COL23A1: variants seen among roughly 807,000 people sequenced by gnomAD.
COL23A1 encodes collagen type XXIII alpha 1 chain, also known as collagen alpha-1(XXIII) chain.
A neutral mutation model predicts 99.3 loss-of-function variants in COL23A1; 97 were observed. The observed-to-expected ratio is 0.98, with a 90% CI of 0.83 to 1.16. COL23A1 has a LOEUF of 1.16. Ranked by LOEUF, COL23A1 falls within the 50% of genes most tolerant of loss-of-function variation. COL23A1 has a pLI of 0.00. For synonymous variants in COL23A1, 320 were observed against 308.2 expected, an observed-to-expected ratio of 1.04 and a Z score of -0.40; for missense variants, 762 against 757.4, an observed-to-expected ratio of 1.01 and a Z score of -0.07.
At chr5:178,537,469 G>A (rs1761038453) in intron 2 of COL23A1, among the ~76,000 whole-genome samples, 1 of 152,232 alleles carries the variant, frequency 6.6e-6, no homozygotes, top group Non-Finnish European at 1.5e-5. Context: ...CCGAGGAGAG[G>A]AGAACAGTGT....
chr5:178,588,479 C>G (rs1045885086), intron 1 of COL23A1, among the ~76,000 whole-genome samples: 1 of 152,216 alleles, frequency 6.6e-6, no homozygotes. Flanking sequence ...TTTACTGGCC[C>G]TCTATAAATC....
At chr5:178,472,838 A>G (rs1308920192) in intron 2 of COL23A1, among the ~76,000 whole-genome samples, 1 of 152,226 alleles carries the variant, frequency 6.6e-6, no homozygotes, top group African/African-American at 2.4e-5. Context: ...TTTAAAAAAT[A>G]CACAGGCAGG....
chr5:178,481,383 T>A (rs1341207425), intron 2 of COL23A1, among the ~76,000 whole-genome samples: 1 of 152,026 alleles, frequency 6.6e-6, no homozygotes, highest in East Asian at 1.9e-4. Context: ...CTGAACATCA[T>A]CAAAATTAAA....
chr5:178,268,183 C>G (rs1363893144), intron 7 of COL23A1, among the ~76,000 whole-genome samples: 2 of 152,220 alleles, frequency 1.3e-5, no homozygotes, highest in African/African-American at 4.8e-5. Flanking sequence ...CCGGCTGGCC[C>G]TGGCACACCT....
intron 1 of COL23A1, among the ~76,000 whole-genome samples, chr5:178,575,187 AG>A (rs58117251): frequency 0.27 from 40,421 of 152,056 alleles, 5,482 homozygotes; most frequent in East Asian, 0.3. Flanking sequence ...GTCCTCCTTT[AG>A]GAAACAGGAA....
chr5:178,267,715 CA>C (rs1755985382), intron 7 of COL23A1, among the ~76,000 whole-genome samples: 1 of 152,182 alleles, frequency 6.6e-6, no homozygotes, highest in Non-Finnish European at 1.5e-5. Context: ...CATTAAGCAG[CA>C]ATAGACACCA....
chr5:178,461,795 G>GT (rs1240636863), intron 2 of COL23A1, among the ~76,000 whole-genome samples: 6 of 152,226 alleles, frequency 3.9e-5, no homozygotes, highest in African/African-American at 1.4e-4. Flanking sequence ...CACTGGTAGG[G>GT]TTTTTTATCC....
rs1228545006 is a variant in COL23A1, at chr5:178,310,039, G to A, written c.362-3120C>T. On this transcript the variant is annotated intron_variant, in intron 2 of 28. Transcript: ENST00000390654. This position sits in a 1 kb window ranked among gnomAD's most constrained non-coding sequence, Gnocchi z 4.3. ...CCTGAAAAGACTGCAAGTCCAGCAA[G>A]CTCCAGGGCTTAGGAGAGACACAGG... 1.3e-5 allele frequency among the ~76,000 whole-genome samples: 2 copies of A among 152,232 alleles called. No homozygotes were observed. The highest frequency in any genetic ancestry group is 6.5e-5 in the Admixed American group (1 of 15,290).
intron 2 of COL23A1, among the ~76,000 whole-genome samples, chr5:178,545,230 G>A: frequency 6.6e-6 from 1 of 152,176 alleles, no homozygotes; most frequent in Non-Finnish European, 1.5e-5. Flanking sequence ...CTGTTCCCTG[G>A]GCTATGCCCT....
intron 2 of COL23A1, among the ~76,000 whole-genome samples, chr5:178,380,846 G>A (rs1331122351): frequency 6.6e-6 from 1 of 152,210 alleles, no homozygotes; most frequent in Non-Finnish European, 1.5e-5. Flanking sequence ...TGCCAGGACA[G>A]CCTTCCAGGG....
rs73342847 is a variant in COL23A1 at position 178,280,594 on chromosome 5, T to C, written c.441+7730A>G. ...CTTCGAAGACCTGGGCTTGGCTCGG[T>C]GACTTTGTGCAGGTCTGTGAACATG... On this transcript the variant is annotated intron_variant, in intron 5 of 28. Coordinates refer to ENST00000390654, the MANE Select transcript of COL23A1 (RefSeq NM_173465.4). This position sits in a 1 kb window ranked among gnomAD's most constrained non-coding sequence, Gnocchi z 4.9. Among the ~76,000 whole-genome samples the C allele has an allele frequency of 0.021, 3,255 of 152,172 alleles. 101 individuals are homozygous for C. The highest frequency in any genetic ancestry group is 0.075 in the African/African-American group (3,120 of 41,466).
At chr5:178,554,324 G>A (rs1050084527) in intron 2 of COL23A1, among the ~76,000 whole-genome samples, 3 of 152,116 alleles carry the variant, frequency 2.0e-5, no homozygotes, top group East Asian at 1.9e-4. Flanking sequence ...GATTACAGGC[G>A]TGTGCCACTA....
At chr5:178,269,474 C>T (rs13184810) in intron 6 of COL23A1, among the ~76,000 whole-genome samples, 950 of 70,168 alleles carry the variant, frequency 0.014, 2 homozygotes, top group East Asian at 0.041. Flanking sequence ...CACCCATCCA[C>T]CCACCCATCC....
chr5:178,327,602 G>A (rs1759762323), intron 2 of COL23A1, among the ~76,000 whole-genome samples: 1 of 152,180 alleles, frequency 6.6e-6, no homozygotes, highest in African/African-American at 2.4e-5. Flanking sequence ...CCACTCTGCG[G>A]TGGAGGAGAC....
intron 2 of COL23A1, among the ~76,000 whole-genome samples, chr5:178,349,666 A>G (rs1761206429): frequency 6.7e-6 from 1 of 149,712 alleles, no homozygotes. Context: ...CCTTGGGGGG[A>G]GCCCCAAGAA....
chr5:178,338,630 G>A (rs564121184), intron 2 of COL23A1, among the ~76,000 whole-genome samples: 32 of 151,848 alleles, frequency 2.1e-4, no homozygotes, highest in Admixed American at 9.8e-4. Context: ...ACCCAGCACC[G>A]GGTAAGGTGT....
Position 178,589,582 on chromosome 5 carries a change from G to A in COL23A1, c.294+322C>T, listed in dbSNP as rs1399692148. Among the ~76,000 whole-genome samples the A allele has an allele frequency of 2.0e-5, 3 of 152,202 alleles. No homozygotes were observed. Among genetic ancestry groups the A allele is most frequent in the African/African-American group, 4.8e-5 (2 of 41,462 alleles). ...CCGACTCTGGCCGCCGGCGGGAAGC[G>A]GCGTGTCCGAGCGCACACCCCGTGG... On this transcript the variant is annotated intron_variant, in intron 1 of 28. Coordinates refer to ENST00000390654, the MANE Select transcript of COL23A1 (RefSeq NM_173465.4). The surrounding 1 kb of genome is among the most constrained non-coding windows in gnomAD (Gnocchi z 5.4).
chr5:178,513,690 T>C (rs1012525770), intron 2 of COL23A1, among the ~76,000 whole-genome samples: 2 of 152,060 alleles, frequency 1.3e-5, no homozygotes, highest in Middle Eastern at 3.4e-3. Flanking sequence ...TCGGTTCCTA[T>C]GGGTGTAGGA....
chr5:178,451,942 T>G (rs1029113099), intron 2 of COL23A1, among the ~76,000 whole-genome samples: 1 of 152,178 alleles, frequency 6.6e-6, no homozygotes, highest in Non-Finnish European at 1.5e-5. Flanking sequence ...ATAATTCTTA[T>G]GTTAATCTAT....
Sources: allele counts gnomAD v4.1 joint callset (sites outside exome capture counted in the v4.1 genomes callset), GRCh38; gene constraint gnomAD v4.1.1; non-coding constraint Gnocchi (gnomAD v3.1); transcripts MANE v1.5; gene names NCBI Gene and HGNC (gene_info 2026-07-23, HGNC 2026-07-21).